The following PIAS1 variants were observed in gnomAD, a reference collection of about 807,000 sequenced individuals.
The protein encoded by PIAS1 is protein inhibitor of activated STAT 1.
Under a neutral mutation model 71.3 loss-of-function variants are expected in PIAS1, and 6 were observed. That is an observed-to-expected ratio of 0.08 (90% CI 0.05 to 0.17). The LOEUF (loss-of-function observed/expected upper bound fraction) is 0.17. PIAS1 is among the 10% of genes least tolerant of loss of function. The pLI is 1.00. For synonymous variants in PIAS1, 303 were observed against 292.9 expected, an observed-to-expected ratio of 1.03 and a Z score of -0.35; for missense variants, 555 against 793.6, an observed-to-expected ratio of 0.70 and a Z score of 3.61.
intron 7 of PIAS1, among the ~76,000 whole-genome samples, chr15:68,163,688 T>C (rs2092938884): frequency 6.6e-6 from 1 of 152,202 alleles, no homozygotes; most frequent in African/African-American, 2.4e-5. Flanking sequence ...TCTGAAATTG[T>C]AACTTACCCG....
chr15:68,094,958 T>G (rs899190772), intron 2 of PIAS1, among the ~76,000 whole-genome samples: 1 of 152,194 alleles, frequency 6.6e-6, no homozygotes, highest in Non-Finnish European at 1.5e-5. Context: ...TGTATAGTTG[T>G]CCAGAATTCC....
At chr15:68,177,630 C>A (rs1241424838) in intron 11 of PIAS1, among the ~76,000 whole-genome samples, 1 of 152,206 alleles carries the variant, frequency 6.6e-6, no homozygotes, top group Admixed American at 6.5e-5. Context: ...ACACCCTCAG[C>A]TAAGCATGGA....
chr15:68,059,077 G>T (rs2091928853), intron 1 of PIAS1, among the ~76,000 whole-genome samples: 1 of 145,050 alleles, frequency 6.9e-6, no homozygotes. Flanking sequence ...CGATCTCGGC[G>T]CACTGCAAGC....
intron 2 of PIAS1, among the ~76,000 whole-genome samples, chr15:68,109,257 C>T (rs1199819235): frequency 6.6e-6 from 1 of 152,178 alleles, no homozygotes; most frequent in Non-Finnish European, 1.5e-5. Flanking sequence ...TGATGAGACA[C>T]CTACCCTGAC....
intron 7 of PIAS1, among the ~76,000 whole-genome samples, chr15:68,155,351 A>G (rs2141065407): frequency 6.6e-6 from 1 of 151,772 alleles, no homozygotes; most frequent in African/African-American, 2.4e-5. Context: ...CTTATTGGCC[A>G]GGGAAGCCAA....
chr15:68,162,049 T>C (rs2092928064), intron 7 of PIAS1, among the ~76,000 whole-genome samples: 2 of 152,048 alleles, frequency 1.3e-5, no homozygotes, highest in Admixed American at 1.3e-4. Context: ...CAAGTGTATT[T>C]TGAAACTTTT....
At chr15:68,111,136 C>T (rs958524895) in intron 2 of PIAS1, among the ~76,000 whole-genome samples, 1 of 152,114 alleles carries the variant, frequency 6.6e-6, no homozygotes, top group Admixed American at 6.5e-5. Context: ...GTTAATCTGT[C>T]ACTAATGGAT....
At chr15:68,106,703 C>G (rs1304924314) in intron 2 of PIAS1, among the ~76,000 whole-genome samples, 1 of 152,112 alleles carries the variant, frequency 6.6e-6, no homozygotes, top group Non-Finnish European at 1.5e-5. Context: ...CTCCAGTTTC[C>G]TCCTAATATT....
chr15:68,151,826 C>T (rs2092847805), intron 6 of PIAS1, among the ~76,000 whole-genome samples: 2 of 150,950 alleles, frequency 1.3e-5, no homozygotes, highest in Non-Finnish European at 2.9e-5. Flanking sequence ...CGCCACTGCA[C>T]TCCGGCCTGG....
intron 2 of PIAS1, among the ~76,000 whole-genome samples, chr15:68,095,218 G>A (rs62004780): frequency 0.027 from 4,072 of 152,134 alleles, 82 homozygotes; most frequent in Admixed American, 0.035. Flanking sequence ...TACTGGGATC[G>A]AATTTAAAGA....
chr15:68,067,692 G>C (rs773272909), intron 1 of PIAS1, among the ~76,000 whole-genome samples: 7 of 152,016 alleles, frequency 4.6e-5, no homozygotes, highest in Non-Finnish European at 8.8e-5. Flanking sequence ...TTTTCTAAGA[G>C]AAAGCTAGGT....
intron 7 of PIAS1, among the ~76,000 whole-genome samples, chr15:68,162,330 T>C (rs1047593437): frequency 2.6e-5 from 4 of 152,180 alleles, no homozygotes; most frequent in African/African-American, 9.7e-5. Flanking sequence ...GAAATTTAAA[T>C]ATGCAAAGTT....
chr15:68,112,196 A>G (rs988090989), intron 2 of PIAS1, among the ~76,000 whole-genome samples: 10 of 152,172 alleles, frequency 6.6e-5, no homozygotes, highest in South Asian at 2.1e-4. Flanking sequence ...ACCAGATTCT[A>G]CACTTGCACA....
chr15:68,075,277 A>T (rs7178313), intron 1 of PIAS1, among the ~76,000 whole-genome samples: 2 of 151,274 alleles, frequency 1.3e-5, no homozygotes, highest in South Asian at 2.1e-4. Flanking sequence ...GTAGAGATGG[A>T]GTTTCACCAT....
At chr15:68,075,161 T>G (rs2092147059) in intron 1 of PIAS1, among the ~76,000 whole-genome samples, 1 of 142,632 alleles carries the variant, frequency 7.0e-6, no homozygotes. Flanking sequence ...CTTGGCTCAC[T>G]GCAACCTCCG....
chr15:68,146,777 G>A, intron 6 of PIAS1, 77 bp downstream of exon 6: 11 of 983,926 alleles, frequency 1.1e-5, no homozygotes, highest in African/African-American at 1.6e-5. Flanking sequence ...GAATTTATAT[G>A]TAAATTATGT....
intron 2 of PIAS1, among the ~76,000 whole-genome samples, chr15:68,108,748 A>C (rs758091300): frequency 6.6e-6 from 1 of 150,732 alleles, no homozygotes; most frequent in Non-Finnish European, 1.5e-5. Flanking sequence ...CAAGTCAAAA[A>C]CTCTGGAGTT....
At position 68,188,857 on chromosome 15, in the gene PIAS1, G is replaced by A. The variant is rs1336862701; in HGVS notation, c.*1022G>A. On this transcript the variant is annotated 3_prime_UTR_variant, in exon 14 of 14. Transcript: ENST00000249636. ...AAAATAGCTTAGAAAGCTCTGTCAG[G>A]TGTTTTGTGCAGCTGACAGAGGTAA... The A allele has an allele frequency of 6.6e-6, 1 of 152,124 alleles. No individual in the cohort carries two copies. The highest frequency in any genetic ancestry group is 1.5e-5 in the Non-Finnish European group (1 of 68,032). The allele number at this position is 152,124 out of a possible 1,614,324, so 9.4% of individuals were successfully genotyped here.
At chr15:68,141,646 T>C (rs1258450899) in intron 2 of PIAS1, among the ~76,000 whole-genome samples, 3 of 152,216 alleles carry the variant, frequency 2.0e-5, no homozygotes, top group African/African-American at 7.2e-5. Context: ...TTTATACAAG[T>C]GTGCTCTTTA....
Sources: allele counts gnomAD v4.1 joint callset (sites outside exome capture counted in the v4.1 genomes callset), GRCh38; gene constraint gnomAD v4.1.1; transcripts MANE v1.5; gene names NCBI Gene and HGNC (gene_info 2026-07-23, HGNC 2026-07-21).